The following THOC2 variants were observed in gnomAD, a reference collection of about 807,000 sequenced individuals.
The protein encoded by THOC2 is THO complex subunit 2.
In THOC2, 10 loss-of-function variants were observed where a neutral mutation model predicts 128.4. That is an observed-to-expected ratio of 0.08 (90% CI 0.05 to 0.13). The LOEUF is 0.13. THOC2 is among the 10% of genes least tolerant of loss of function. The pLI, the probability that THOC2 is intolerant of heterozygous loss-of-function variation, is 1.00. For synonymous variants in THOC2, 393 were observed against 396.9 expected (o/e 0.99, Z 0.12); for missense variants, 535 against 1,155.7 (o/e 0.46, Z 7.79).
At chrX:123,688,662 G>A (rs1450458210) in intron 7 of THOC2, among the ~76,000 whole-genome samples, 1 of 111,208 alleles carries the variant, frequency 9.0e-6, no homozygotes, top group Admixed American at 9.6e-5. Context: ...GGCAGAGGCT[G>A]CAGTGAGTCA....
chrX:123,631,933 G>T, intron 21 of THOC2, 81 bp from the exon 22 acceptor site: 1 of 934,672 alleles, frequency 1.1e-6, no homozygotes, highest in Non-Finnish European at 1.5e-6. Flanking sequence ...TAACAATTAA[G>T]AATCCAAATT....
chrX:123,691,648 G>T (rs2050226138), intron 7 of THOC2, among the ~76,000 whole-genome samples: 1 of 111,908 alleles, frequency 8.9e-6, no homozygotes, highest in African/African-American at 3.2e-5. Flanking sequence ...GGCAACAAAT[G>T]AAGGTCTTGA....
rs931413433 is a variant in THOC2, at chrX:123,617,068, A to C, written c.4311+2333T>G. ...CTCAGAAACAGGCTAAAGATAATCA[A>C]CTTTGGAGATCACTCAAAGTCCAGT... is the stretch of plus-strand genomic sequence containing the variant. On this transcript the variant is annotated intron_variant, in intron 33 of 38. Transcript: ENST00000245838. Among the ~76,000 whole-genome samples, 58 of 111,047 alleles carry C rather than the reference A, an allele frequency of 5.2e-4. 1 individual carries two copies. Among genetic ancestry groups the C allele is most frequent in the African/African-American group, 1.9e-3 (57 of 30,761 alleles).
chrX:123,694,084 C>T (rs1052855146), intron 7 of THOC2, among the ~76,000 whole-genome samples: 11 of 108,969 alleles, frequency 1.0e-4, no homozygotes, highest in African/African-American at 3.7e-4. Flanking sequence ...TGAAATGTTC[C>T]CAAAATAACA....
At chrX:123,732,316 C>A (rs914564410) in intron 1 of THOC2, among the ~76,000 whole-genome samples, 4 of 112,529 alleles carry the variant, frequency 3.6e-5, no homozygotes, top group Admixed American at 9.3e-5. Flanking sequence ...GGTGGTTCTT[C>A]AGGGAAAGCG....
chrX:123,611,003 C>A (rs750776293), intron 37 of THOC2, 40 bp from the exon 38 acceptor site: 1 of 1,179,549 alleles, frequency 8.5e-7, no homozygotes, highest in South Asian at 1.8e-5. Flanking sequence ...TTGGGAATGG[C>A]GGAAAGAACA....
intron 1 of THOC2, among the ~76,000 whole-genome samples, chrX:123,727,642 C>T (rs192498895): frequency 1.5e-3 from 171 of 112,311 alleles, no homozygotes; most frequent in Non-Finnish European, 2.6e-3. Context: ...GATAGGTTCT[C>T]GCTATGTCGC....
chrX:123,651,368 TCCTAAC>T (rs2048344886), intron 12 of THOC2, among the ~76,000 whole-genome samples: 2 of 111,325 alleles, frequency 1.8e-5, no homozygotes, highest in African/African-American at 6.5e-5. Context: ...AAAATCGACA[TCCTAAC>T]ATCACAATTA....
At chrX:123,670,730 T>C (rs1387966164) in intron 9 of THOC2, among the ~76,000 whole-genome samples, 3 of 112,753 alleles carry the variant, frequency 2.7e-5, no homozygotes, top group Non-Finnish European at 5.6e-5. Flanking sequence ...CAGTTCAACA[T>C]CACTAGTTTG....
intron 21 of THOC2, among the ~76,000 whole-genome samples, chrX:123,632,245 T>C (rs1317638077): frequency 1.8e-5 from 2 of 110,742 alleles, no homozygotes; most frequent in African/African-American, 6.6e-5. Flanking sequence ...CAAAATGTGT[T>C]TAACTATCAT....
chrX:123,603,672 T>C, intron 38 of THOC2: 5 of 484,796 alleles, frequency 1.0e-5, no homozygotes, highest in Non-Finnish European at 1.8e-5. Context: ...TTATGGGAGA[T>C]ATCATTCTGA....
chrX:123,686,223 G>A (rs1021824595), intron 8 of THOC2, among the ~76,000 whole-genome samples: 1 of 110,062 alleles, frequency 9.1e-6, no homozygotes, highest in Non-Finnish European at 1.9e-5. Flanking sequence ...CACATTGTTC[G>A]TTACTCATGC....
chrX:123,603,608 A>C, intron 38 of THOC2: 1 of 634,243 alleles, frequency 1.6e-6, no homozygotes, highest in Admixed American at 2.4e-5. Flanking sequence ...GTGTGTACTC[A>C]TCTTCTGACT....
chrX:123,695,888 T>TA lies in THOC2; in HGVS notation c.601+132dup, dbSNP rs1424482359. On this transcript the variant is annotated intron_variant, in intron 7 of 38. Coordinates refer to ENST00000245838, the MANE Select transcript of THOC2 (RefSeq NM_001081550.2). The stretch of plus-strand genomic sequence containing the variant: ...TTGATAAACCATTAAAAGTAAAAGC[T>TA]AAACACCTCTCCCATTCCTTAACTG... The TA allele has an allele frequency of 9.7e-6, 4 of 410,785 alleles. No homozygotes were observed. In the African/African-American group the frequency reaches 1.0e-4, roughly 11 times the overall value. 33.9% of individuals were successfully genotyped at this position (410,785 alleles called of 1,213,427 possible).
At chrX:123,721,498 T>C (rs1292668287) in intron 1 of THOC2, among the ~76,000 whole-genome samples, 2 of 103,410 alleles carry the variant, frequency 1.9e-5, no homozygotes, top group Non-Finnish European at 3.9e-5. Context: ...TAAGAACACA[T>C]CCTTTTGGCT....
chrX:123,652,272 G>A (rs1378464410), intron 12 of THOC2, among the ~76,000 whole-genome samples: 1 of 111,405 alleles, frequency 9.0e-6, no homozygotes, highest in Non-Finnish European at 1.9e-5. Flanking sequence ...GGTATCGATG[G>A]AACATATCTC....
chrX:123,661,615 A>C (rs561402906), intron 12 of THOC2, among the ~76,000 whole-genome samples: 2 of 111,021 alleles, frequency 1.8e-5, no homozygotes, highest in African/African-American at 6.6e-5. Context: ...ACAACAATGT[A>C]TTATATATTT....
At chrX:123,674,165 T>C (rs2049392714) in intron 8 of THOC2, among the ~76,000 whole-genome samples, 1 of 112,030 alleles carries the variant, frequency 8.9e-6, no homozygotes, top group Admixed American at 9.5e-5. Flanking sequence ...TTAATGAAAG[T>C]AGGGTATGGA....
At chrX:123,611,898 G>A (rs1301164599) in intron 36 of THOC2, among the ~76,000 whole-genome samples, 1 of 108,366 alleles carries the variant, frequency 9.2e-6, no homozygotes, top group East Asian at 2.8e-4. Flanking sequence ...TAAACAAATG[G>A]CCAATAAGCA....
Sources: gnomAD v4.1 joint callset for allele counts (sites outside exome capture counted in the v4.1 genomes callset) on GRCh38, gnomAD v4.1.1 for gene constraint, MANE v1.5 for transcripts, NCBI Gene and HGNC (gene_info 2026-07-23, HGNC 2026-07-21) for gene names.